Variants in PIEZO2 observed in about 807,000 individuals in gnomAD.
The protein encoded by PIEZO2 is piezo type mechanosensitive ion channel component 2, also known as piezo-type mechanosensitive ion channel component 2.
PIEZO2 carries 172 observed loss-of-function variants against 337.3 expected under a neutral mutation model. The observed-to-expected ratio is 0.51, with a 90% CI of 0.45 to 0.58. The LOEUF (loss-of-function observed/expected upper bound fraction) is 0.58, where lower values mean the gene tolerates loss of function less well. PIEZO2 is among the 20% of genes least tolerant of loss of function. The pLI is 0.00. For missense variants in PIEZO2, 3,028 were observed against 3,391.3 expected (o/e 0.89, Z 2.66); for synonymous variants, 1,251 against 1,228.5 (o/e 1.02, Z -0.38).
intron 7 of PIEZO2, among the ~76,000 whole-genome samples, chr18:10,831,213 A>C (rs554491152): frequency 2.6e-5 from 4 of 152,212 alleles, no homozygotes; most frequent in Non-Finnish European, 4.4e-5. Flanking sequence ...TATATCGAAG[A>C]GATCTGAACA....
At chr18:10,762,394 A>G in intron 23 of PIEZO2, 106 bp downstream of exon 23, 1 of 1,344,912 alleles carries the variant, frequency 7.4e-7, no homozygotes, top group Non-Finnish European at 9.9e-7. Context: ...CCCACATGAG[A>G]AGATATGGTT....
intron 2 of PIEZO2, among the ~76,000 whole-genome samples, chr18:11,054,761 T>C (rs1460028797): frequency 6.6e-6 from 1 of 152,096 alleles, no homozygotes; most frequent in Non-Finnish European, 1.5e-5. Flanking sequence ...AGAATCAGTG[T>C]TGGGAAAACT....
In PIEZO2 at chr18:11,125,308, C is replaced by T. The variant is rs2040153028; in HGVS notation, c.64+23217G>A. ...ATATGTTTTAAAAACTACGATGTGT[C>T]CGACAAAAGACAGTGCTGTTAAGTC... On this transcript the variant is annotated intron_variant, in intron 1 of 55. Transcript: ENST00000674853. The surrounding 1 kb of genome is among the most constrained non-coding windows in gnomAD (Gnocchi z 4.4). Among the ~76,000 whole-genome samples the T allele has an allele frequency of 6.6e-6, 1 of 152,196 alleles. No homozygotes were observed. Among genetic ancestry groups the T allele is most frequent in the Non-Finnish European group, 1.5e-5 (1 of 68,036 alleles).
Position 11,038,892 on chromosome 18 carries a change from A to C in PIEZO2, c.160+27235T>G, listed in dbSNP as rs1381069279. Among the ~76,000 whole-genome samples the C allele has an allele frequency of 6.6e-6, 1 of 152,222 alleles. No homozygotes were observed. Among genetic ancestry groups the C allele is most frequent in the African/African-American group, 2.4e-5 (1 of 41,468 alleles). Reference sequence around the variant, plus strand: ...CCAATGTTTCCAACCTCTTTAAGATAAAAAAGAAGACAGTAAGAATCATGA... The same window carrying C: ...CCAATGTTTCCAACCTCTTTAAGATCAAAAAGAAGACAGTAAGAATCATGA... On this transcript the variant is annotated intron_variant, in intron 2 of 55. Coordinates refer to ENST00000674853, the MANE Select transcript of PIEZO2 (RefSeq NM_001378183.1). This position sits in a 1 kb window ranked among gnomAD's most constrained non-coding sequence, Gnocchi z 4.1.
At chr18:10,720,234 G>GTGTGTGTGTATATATATATATATA (rs1225106343) in intron 36 of PIEZO2, among the ~76,000 whole-genome samples, 5 of 119,914 alleles carry the variant, frequency 4.2e-5, no homozygotes, top group East Asian at 2.9e-4. Flanking sequence ...GTGTGTGTGT[G>GTGTGTGTGTATATATATATATATA]TATATATATA....
Position 10,819,703 on chromosome 18 carries a change from A to G in PIEZO2, c.918-12429T>C, listed in dbSNP as rs923942452. ...GCAAGAAACTGCTGCAGCTTCTTAC[A>G]TGAAGACATAATATCTTCACAAAAC... On this transcript the variant is annotated intron_variant, in intron 7 of 55. Coordinates refer to ENST00000674853, the MANE Select transcript of PIEZO2 (RefSeq NM_001378183.1). This position sits in a 1 kb window ranked among gnomAD's most constrained non-coding sequence, Gnocchi z 4.3. Among the ~76,000 whole-genome samples, 5 of 152,240 alleles carry G rather than the reference A, an allele frequency of 3.3e-5. No individual in the cohort carries two copies. Among genetic ancestry groups the G allele is most frequent in the Non-Finnish European group, 5.9e-5 (4 of 68,030 alleles).
rs1475044718 is a variant in PIEZO2 at position 10,762,535 on chromosome 18, G to A, written c.3214C>T (p.Leu1072=). 4 of 1,537,340 alleles carry A rather than the reference G, an allele frequency of 2.6e-6. No individual in the cohort carries two copies. The highest frequency in any genetic ancestry group is 1.7e-4 in the Middle Eastern group (1 of 5,990). Residue 1072 remains leucine, a synonymous_variant, in exon 23 of 56, where the codon CTG becomes TTG. Coordinates refer to ENST00000674853, the MANE Select transcript of PIEZO2 (RefSeq NM_001378183.1). The part of the protein sequence containing the change: ...APIDPTEWVG[L]RKSSPLLVYL... ...ACTAGCAGAGGCGAAGACTTCCGCA[G>A]GCCGACCCACTCTGTAGGATCGATA...
At position 11,021,661 on chromosome 18, in the gene PIEZO2, G is replaced by A. The variant is rs1240352181; in HGVS notation, c.161-42001C>T. 1.3e-5 allele frequency among the ~76,000 whole-genome samples: 2 copies of A among 152,314 alleles called. No homozygotes were observed. Among genetic ancestry groups the A allele is most frequent in the East Asian group, 1.9e-4 (1 of 5,182 alleles). On this transcript the variant is annotated intron_variant, in intron 2 of 55. Transcript: ENST00000674853. The surrounding 1 kb of genome is among the most constrained non-coding windows in gnomAD (Gnocchi z 4.7). Reference sequence around the variant, plus strand: ...GATCTGGTGATCCAGCACACAGCTCGTGCTGTAACTGCACTGATGGAATGA... The same window carrying A: ...GATCTGGTGATCCAGCACACAGCTCATGCTGTAACTGCACTGATGGAATGA...
rs1208056160 is a variant in PIEZO2 at position 11,110,048 on chromosome 18, T to C, written c.64+38477A>G. Among the ~76,000 whole-genome samples the C allele has an allele frequency of 6.6e-6, 1 of 152,288 alleles. No homozygotes were observed. Among genetic ancestry groups the C allele is most frequent in the Non-Finnish European group, 1.5e-5 (1 of 68,016 alleles). On this transcript the variant is annotated intron_variant, in intron 1 of 55. Coordinates refer to ENST00000674853, the MANE Select transcript of PIEZO2 (RefSeq NM_001378183.1). This position sits in a 1 kb window ranked among gnomAD's most constrained non-coding sequence, Gnocchi z 4.2. ...CTTTATCTCCATGGTGGGTGGACAA[T>C]GACAGGTTCAGGAGTAACTGCAATG...
intron 7 of PIEZO2, among the ~76,000 whole-genome samples, chr18:10,842,460 G>C (rs371103826): frequency 2.0e-5 from 3 of 152,086 alleles, no homozygotes; most frequent in Non-Finnish European, 2.9e-5. Flanking sequence ...TACTTGCCTC[G>C]AGAGCCAGTT....
intron 2 of PIEZO2, among the ~76,000 whole-genome samples, chr18:11,006,830 T>C (rs2035743131): frequency 6.6e-6 from 1 of 152,200 alleles, no homozygotes; most frequent in African/African-American, 2.4e-5. Context: ...TCCCTAGTAG[T>C]CTAAAAAATG....
chr18:10,853,510 G>A lies in PIEZO2; in HGVS notation c.917+1843C>T, dbSNP rs535273751. Reference sequence around the variant, plus strand: ...AATTGCAGCAGATCCATGGGAATTCGCTGTCAGTAACATACTTTGGTGCTG... The same window carrying A: ...AATTGCAGCAGATCCATGGGAATTCACTGTCAGTAACATACTTTGGTGCTG... On this transcript the variant is annotated intron_variant, in intron 7 of 55. Coordinates refer to ENST00000674853, the MANE Select transcript of PIEZO2 (RefSeq NM_001378183.1). The surrounding 1 kb of genome is among the most constrained non-coding windows in gnomAD (Gnocchi z 4.2). 2.0e-5 allele frequency among the ~76,000 whole-genome samples: 3 copies of A among 152,254 alleles called. No homozygotes were observed. Among genetic ancestry groups the A allele is most frequent in the African/African-American group, 7.2e-5 (3 of 41,552 alleles).
At chr18:11,054,609 C>A (rs1407167925) in intron 2 of PIEZO2, among the ~76,000 whole-genome samples, 1 of 152,178 alleles carries the variant, frequency 6.6e-6, no homozygotes, top group African/African-American at 2.4e-5. Flanking sequence ...TAACATAAAA[C>A]CCTGACTTGG....
At position 10,702,045 on chromosome 18, in the gene PIEZO2, C is replaced by T. The variant is rs2035363011; in HGVS notation, c.6385G>A (p.Val2129Ile). 1.3e-6 allele frequency: 2 copies of T among 1,536,808 alleles called. No homozygotes were observed. The highest frequency in any genetic ancestry group is 2.4e-5 in the East Asian group (1 of 40,888). ...AGGAGCTGGATGAGGTCATAGAGAA[C>T]ATAACCTTCCTTCTTTTCCACTCCT... ...IIGVEKKEGY[V>I]LYDLIQLLAL... Residue 2129 changes from valine (V) to isoleucine (I), a missense_variant, in exon 43 of 56, where the codon GTT (valine) becomes ATT (isoleucine). Around this residue, in one of 5 missense-constraint regions of PIEZO2, gnomAD observed 1,925 missense variants for 2,051.9 expected, o/e 0.94. Transcript: ENST00000674853.
In PIEZO2 at chr18:10,701,958, C is replaced by T. The variant is rs73943368; in HGVS notation, c.6441+31G>A. 2,077 of 1,489,790 alleles carry T rather than the reference C, an allele frequency of 1.4e-3. 27 individuals carry two copies. The African/African-American group carries it at 0.027, about 19-fold the overall frequency. 92.3% of individuals were successfully genotyped at this position (1,489,790 alleles called of 1,614,324 possible). A position where few individuals can be genotyped will look rare whatever the true frequency, so the allele number is the denominator to read the frequency against. ...CCAGGTTATCTAGGAAGATGACCAA[C>T]TTGAACTGATTAATTGTTAACATGC... On this transcript the variant is annotated intron_variant, in intron 43 of 55. Transcript: ENST00000674853.
Position 10,795,599 on chromosome 18 carries a change from C to T in PIEZO2, c.1528-597G>A, listed in dbSNP as rs558009590. Among the ~76,000 whole-genome samples, 228 of 152,074 alleles carry T rather than the reference C, an allele frequency of 1.5e-3. 6 individuals carry two copies. Among genetic ancestry groups the T allele is most frequent in the Non-Finnish European group, 3.8e-4 (26 of 67,996 alleles). On this transcript the variant is annotated intron_variant, in intron 12 of 55. Coordinates refer to ENST00000674853, the MANE Select transcript of PIEZO2 (RefSeq NM_001378183.1). The surrounding 1 kb of genome is among the most constrained non-coding windows in gnomAD (Gnocchi z 4.4). ...ATTTGAAGAATAGAGCTGGCAATCC[C>T]CAAATTAGCCTCTTCAATTTTGTGG...
intron 37 of PIEZO2, 56 bp downstream of exon 37, chr18:10,718,144 T>C (rs2036089738): frequency 7.1e-7 from 1 of 1,411,626 alleles, no homozygotes; most frequent in African/African-American, 1.4e-5. Flanking sequence ...ATATACGATC[T>C]GGGCAGGTAT....
intron 34 of PIEZO2, among the ~76,000 whole-genome samples, chr18:10,736,142 C>T (rs989647299): frequency 6.6e-6 from 1 of 152,190 alleles, no homozygotes; most frequent in Non-Finnish European, 1.5e-5. Context: ...AAATCTTTAG[C>T]AATACATATG....
chr18:10,928,329 G>T (rs543680975), intron 3 of PIEZO2, among the ~76,000 whole-genome samples: 1 of 152,148 alleles, frequency 6.6e-6, no homozygotes, highest in Non-Finnish European at 1.5e-5. Flanking sequence ...AGTCAAAACA[G>T]AGGCATGGCC....
Sources: allele counts gnomAD v4.1 joint callset (sites outside exome capture counted in the v4.1 genomes callset), GRCh38; gene constraint gnomAD v4.1.1; regional missense constraint gnomAD v4.1.1; non-coding constraint Gnocchi (gnomAD v3.1); transcripts MANE v1.5; gene names NCBI Gene and HGNC (gene_info 2026-07-23, HGNC 2026-07-21).